The following IPO7 variants were observed in gnomAD, a reference collection of about 807,000 sequenced individuals.
IPO7 encodes the protein importin-7.
IPO7 carries 13 observed loss-of-function variants against 136.4 expected under a neutral mutation model. The observed-to-expected ratio is 0.10, with a 90% CI of 0.06 to 0.15. IPO7 has a LOEUF of 0.15. Ranked by LOEUF, IPO7 falls within the 10% of genes least tolerant of loss-of-function variation. IPO7 has a pLI of 1.00. For synonymous variants in IPO7, 403 were observed against 404.4 expected, an observed-to-expected ratio of 1.00 and a Z score of 0.04; for missense variants, 857 against 1,240.6, an observed-to-expected ratio of 0.69 and a Z score of 4.65.
chr11:9,394,039 C>T (rs957960743), intron 1 of IPO7, among the ~76,000 whole-genome samples: 23 of 152,142 alleles, frequency 1.5e-4, no homozygotes, highest in Admixed American at 9.2e-4. Flanking sequence ...TGCGCCACCA[C>T]GCCCAGCTAA....
intron 1 of IPO7, 132 bp downstream of exon 1, chr11:9,384,979 G>T: frequency 1.5e-6 from 1 of 671,794 alleles, no homozygotes; most frequent in East Asian, 2.8e-5. Flanking sequence ...GCGGACATCT[G>T]ACGGCGACTT....
At chr11:9,392,095 A>C (rs915616237) in intron 1 of IPO7, 7 of 313,352 alleles carry the variant, frequency 2.2e-5, no homozygotes, top group African/African-American at 1.6e-4. Flanking sequence ...TGAGTCTACG[A>C]CTATAATGAC....
intron 13 of IPO7, 157 bp from the exon 14 acceptor site, chr11:9,428,874 G>A: frequency 1.2e-6 from 1 of 807,824 alleles, no homozygotes; most frequent in Non-Finnish European, 2.2e-6. Flanking sequence ...CGGCCAAAGA[G>A]TAACTTGGGA....
chr11:9,436,118 A>G (rs1390316253), intron 19 of IPO7, among the ~76,000 whole-genome samples, 153 bp from the exon 20 acceptor site: 3 of 152,224 alleles, frequency 2.0e-5, no homozygotes, highest in Non-Finnish European at 4.4e-5. Context: ...TTAGTCTTTC[A>G]TCTGTGCAAT....
intron 12 of IPO7, among the ~76,000 whole-genome samples, chr11:9,426,046 C>T (rs1287214199): frequency 6.6e-6 from 1 of 151,384 alleles, no homozygotes; most frequent in African/African-American, 2.4e-5. Context: ...GAGACTCCGT[C>T]TCAAAAAAAA....
At chr11:9,401,791 A>C (rs1854800454) in intron 1 of IPO7, among the ~76,000 whole-genome samples, 1 of 152,152 alleles carries the variant, frequency 6.6e-6, no homozygotes, top group Non-Finnish European at 1.5e-5. Context: ...TTTCTTTTGA[A>C]ATGTAACATG....
intron 16 of IPO7, chr11:9,432,989 G>GTTTTTTGTTTT (rs1855318382): frequency 1.6e-5 from 2 of 123,226 alleles, no homozygotes; most frequent in Non-Finnish European, 3.5e-5. Context: ...CTTCCAAATG[G>GTTTTTTGTTTT]TTTTTTTTTT....
At chr11:9,403,788 A>C (rs1250579600) in intron 2 of IPO7, among the ~76,000 whole-genome samples, 2 of 152,234 alleles carry the variant, frequency 1.3e-5, no homozygotes, top group African/African-American at 4.8e-5. Flanking sequence ...CTCAGTATCA[A>C]ATAGTCTGAA....
chr11:9,439,685 C>T (rs985492175), intron 22 of IPO7, among the ~76,000 whole-genome samples: 19 of 152,152 alleles, frequency 1.2e-4, no homozygotes, highest in African/African-American at 4.3e-4. Flanking sequence ...AAGCGATTCT[C>T]CTGCCTCAGC....
chr11:9,401,620 T>C (rs1157768995), intron 1 of IPO7, among the ~76,000 whole-genome samples: 1 of 152,164 alleles, frequency 6.6e-6, no homozygotes, highest in African/African-American at 2.4e-5. Flanking sequence ...GTAACCTTTT[T>C]GTACCATTAA....
rs1462281521 is a variant in IPO7 at position 9,420,692 on chromosome 11, C to A, written c.900C>A (p.Val300=). 13 of 1,602,424 alleles carry A rather than the reference C, an allele frequency of 8.1e-6. No individual in the cohort carries two copies. Among genetic ancestry groups the A allele is most frequent in the Non-Finnish European group, 1.0e-5 (12 of 1,169,902 alleles). The stretch of plus-strand genomic sequence containing the variant: ...TTCTGAAGGCATTTGCTGTTGGTGT[C>A]CAGCAAGTAAGTCTGTTTTTAGTTT... ...EVFLKAFAVG[V]QQVLLKVLYQ... The change falls in exon 8 of 25, where the codon GTC becomes GTA. Residue 300 remains valine (V), a synonymous_variant. Transcript: ENST00000379719.
In IPO7 at chr11:9,444,133, C is replaced by T. The variant is rs762255054; in HGVS notation, c.3020-964C>T. Among the ~76,000 whole-genome samples the T allele has an allele frequency of 8.5e-4, 129 of 151,734 alleles. 2 individuals are homozygous for T. The highest frequency in any genetic ancestry group is 3.4e-4 in the Non-Finnish European group (23 of 67,914). On this transcript the variant is annotated intron_variant, in intron 24 of 24. Coordinates refer to ENST00000379719, the MANE Select transcript of IPO7 (RefSeq NM_006391.3). ...CTTTACTAAAAAACACAAAAATTAG[C>T]TGGACATGGTGGTGCACACCTGTAG...
In IPO7 at chr11:9,446,907, G is replaced by A. The variant is rs8785; in HGVS notation, c.*1713G>A. 61,308 of 151,708 alleles carry A rather than the reference G, an allele frequency of 0.4. 13,446 individuals are homozygous for A. Among genetic ancestry groups the A allele is most frequent in the Non-Finnish European group, 0.5 (34,053 of 67,932 alleles). The allele number at this position is 151,708 out of a possible 1,614,324, so 9.4% of individuals were successfully genotyped here. ...CAAAAAAAGAAAAAAATTGTCTAAC[G>A]TGTGTGGGTGAAAACTGTTAATCAA... On this transcript the variant is annotated 3_prime_UTR_variant, in exon 25 of 25. Transcript: ENST00000379719.
rs560172934 is a variant in IPO7, at chr11:9,435,598, A to T, written c.2172+567A>T. Among the ~76,000 whole-genome samples the T allele has an allele frequency of 2.6e-5, 4 of 152,284 alleles. 1 individual carries two copies. The highest frequency in any genetic ancestry group is 9.6e-5 in the African/African-American group (4 of 41,560). On this transcript the variant is annotated intron_variant, in intron 19 of 24. Transcript: ENST00000379719. ...CCTTTCTGAACACGAAGTCACACAT[A>T]ATCATCTAGTTATGTTAGTCATTTT...
chr11:9,435,299 G>T (rs1855354226), intron 19 of IPO7, among the ~76,000 whole-genome samples: 1 of 152,168 alleles, frequency 6.6e-6, no homozygotes, highest in Non-Finnish European at 1.5e-5. Flanking sequence ...GGAATCAAAA[G>T]AAGGAAAGAG....
Position 9,430,904 on chromosome 11 carries a change from G to T in IPO7, c.1782G>T (p.Thr594=), listed in dbSNP as rs1486189572. ...LAMTFNQVIQ[T]GPDEEGSDDK... is the part of the protein sequence containing the mutation. ...TGACATTTAACCAAGTAATCCAGAC[G>T]GGGCCAGATGAAGAAGGTAGTGATG... Residue 594 remains threonine (T), a synonymous_variant, in exon 16 of 25, where the codon ACG becomes ACT. Transcript: ENST00000379719. 7.4e-6 allele frequency: 12 copies of T among 1,611,746 alleles called. No individual in the cohort carries two copies. The East Asian group carries it at 2.7e-4, about 36-fold the overall frequency.
chr11:9,422,124 A>G (rs1364519271), intron 8 of IPO7, among the ~76,000 whole-genome samples: 1 of 152,070 alleles, frequency 6.6e-6, no homozygotes, highest in Non-Finnish European at 1.5e-5. Context: ...TACTAAAAAT[A>G]CAAAATCAGC....
intron 1 of IPO7, among the ~76,000 whole-genome samples, chr11:9,386,676 C>G (rs1244385959): frequency 6.6e-6 from 1 of 152,114 alleles, no homozygotes; most frequent in Non-Finnish European, 1.5e-5. Context: ...CATTACATGT[C>G]TAGTATATGC....
rs112037179 is a variant in IPO7 at position 9,408,839 on chromosome 11, G to A, written c.320+200G>A. Among the ~76,000 whole-genome samples, 223 of 148,114 alleles carry A rather than the reference G, an allele frequency of 1.5e-3. 1 individual carries two copies. The highest frequency in any genetic ancestry group is 7.4e-3 in the Middle Eastern group (2 of 270). ...CAATTCTCCTGCCTCTCAGCTCCAC[G>A]AGTAGCTGGGATTACAGGCACATGG... On this transcript the variant is annotated intron_variant, in intron 3 of 24. Transcript: ENST00000379719.
Sources: gnomAD v4.1 joint callset for allele counts (sites outside exome capture counted in the v4.1 genomes callset) on GRCh38, gnomAD v4.1.1 for gene constraint, MANE v1.5 for transcripts, NCBI Gene and HGNC (gene_info 2026-07-23, HGNC 2026-07-21) for gene names.